HNRNPD: variants seen among roughly 807,000 people sequenced by gnomAD.
HNRNPD encodes the protein heterogeneous nuclear ribonucleoprotein D, also known as heterogeneous nuclear ribonucleoprotein D0.
Under a neutral mutation model 47.9 loss-of-function variants are expected in HNRNPD, and 3 were observed. That is an observed-to-expected ratio of 0.06 (90% confidence interval 0.03 to 0.16). HNRNPD has a LOEUF of 0.16. Ranked by LOEUF, HNRNPD falls within the 10% of genes least tolerant of loss-of-function variation. The probability of loss-of-function intolerance (pLI) is 1.00; values close to 1 mark genes in which losing one functional copy is unlikely to be tolerated. For synonymous variants in HNRNPD, 171 were observed against 165.1 expected, an observed-to-expected ratio of 1.04 and a Z score of -0.28; for missense variants, 287 against 454.2, an observed-to-expected ratio of 0.63 and a Z score of 3.35.
At chr4:82,357,889 G>C (rs1417523848) in intron 4 of HNRNPD, 2 of 152,754 alleles carry the variant, frequency 1.3e-5, no homozygotes, top group African/African-American at 4.8e-5. Flanking sequence ...GGAGGGCAGC[G>C]TCAGTTCCCA....
chr4:82,356,490 CA>C, intron 7 of HNRNPD, 46 bp downstream of exon 7: 1 of 1,482,472 alleles, frequency 6.7e-7, no homozygotes, highest in Admixed American at 1.7e-5. Context: ...CAAATTTGTA[CA>C]AAATAAATGT....
Position 82,358,986 on chromosome 4 carries a change from A to G in HNRNPD, c.460-166T>C, listed in dbSNP as rs924452851. The G allele has an allele frequency of 3.5e-5, 21 of 600,220 alleles. 1 individual carries two copies. Among genetic ancestry groups the G allele is most frequent in the African/African-American group, 3.2e-4 (17 of 53,534 alleles). The allele number at this position is 600,220 out of a possible 1,614,324, so 37.2% of individuals were successfully genotyped here. A position where few individuals can be genotyped will look rare whatever the true frequency, so the allele number is the denominator to read the frequency against. ...GTGGTGATGTAACATCAACTAACAT[A>G]TACTGTTTAAATCTAAAGGTAAGAA... On this transcript the variant is annotated intron_variant, in intron 3 of 8. Transcript: ENST00000313899.
At chr4:82,360,249 T>C (rs751632695) in intron 2 of HNRNPD, among the ~76,000 whole-genome samples, 1 of 152,084 alleles carries the variant, frequency 6.6e-6, no homozygotes, top group Non-Finnish European at 1.5e-5. Flanking sequence ...ACTAATTAAC[T>C]TAGATGATTC....
intron 2 of HNRNPD, among the ~76,000 whole-genome samples, chr4:82,362,751 A>AC (rs1279669455): frequency 1.3e-5 from 2 of 151,966 alleles, no homozygotes; most frequent in African/African-American, 4.8e-5. Flanking sequence ...AGGCTGCACC[A>AC]CCACGCCTGA....
At chr4:82,363,538 G>A (rs901914845) in intron 2 of HNRNPD, among the ~76,000 whole-genome samples, 7 of 152,122 alleles carry the variant, frequency 4.6e-5, no homozygotes, top group Non-Finnish European at 7.4e-5. Flanking sequence ...ATACCCTAAG[G>A]AGCCATGTTA....
chr4:82,368,786 T>C lies in HNRNPD; in HGVS notation c.290+2742A>G, dbSNP rs574093197. Among the ~76,000 whole-genome samples the C allele has an allele frequency of 7.2e-5, 11 of 152,342 alleles. No individual in the cohort carries two copies. The South Asian group carries it at 2.3e-3, about 32-fold the overall frequency. On this transcript the variant is annotated intron_variant, in intron 2 of 8. Transcript: ENST00000313899. ...TTTTACAAAGCAAACAATGTTCAGA[T>C]TGCCCCAGAAGCACTAAGGTATAAG...
intron 2 of HNRNPD, among the ~76,000 whole-genome samples, chr4:82,368,695 A>G (rs1191432147): frequency 6.6e-6 from 1 of 152,238 alleles, no homozygotes; most frequent in East Asian, 1.9e-4. Context: ...TACTACATAC[A>G]GTAAACCCAA....
Position 82,358,788 on chromosome 4 carries a change from C to T in HNRNPD, c.492G>A (p.Gly164=). 6.2e-7 allele frequency: 1 copy of T among 1,608,220 alleles called. No homozygotes were observed. Among genetic ancestry groups the T allele is most frequent in the Non-Finnish European group, 8.5e-7 (1 of 1,178,538 alleles). Residue 164 remains glycine, a synonymous_variant, in exon 4 of 9, where the codon GGG becomes GGA. Coordinates refer to ENST00000313899, the MANE Select transcript of HNRNPD (RefSeq NM_031370.3). ...VMDQKEHKLN[G]KVIDPKRAKA... ...TGGCCCTTTTAGGATCAATCACCTT[C>T]CCATTCAATTTATGTTCTTTTTGAT...
In HNRNPD at chr4:82,373,653, T is replaced by A. The variant is rs369520013; in HGVS notation, c.26A>T (p.Asp9Val). ...CGCCGTTGCCGCTGCCGCCGCCCCG[T>A]CCCCGCCGAACTGCTCCTCCGACAT... The part of the protein sequence containing the change: MSEEQFGG[D>V]GAAAAATAAV... The change falls in exon 1 of 9, where the codon GAC becomes GTC. Residue 9 changes from aspartate to valine, a missense_variant. Transcript: ENST00000313899. The A allele has an allele frequency of 6.6e-6, 10 of 1,522,086 alleles. No homozygotes were observed. In the South Asian group the frequency reaches 8.4e-5, roughly 13 times the overall value. The allele number at this position is 1,522,086 out of a possible 1,614,324, so 94.3% of individuals were successfully genotyped here.
At chr4:82,360,565 T>C (rs1416492018) in intron 2 of HNRNPD, among the ~76,000 whole-genome samples, 1 of 152,074 alleles carries the variant, frequency 6.6e-6, no homozygotes, top group African/African-American at 2.4e-5. Flanking sequence ...ATTTTAAGGG[T>C]AAACTGTCAG....
Position 82,371,829 on chromosome 4 carries a change from G to A in HNRNPD, c.234-245C>T, listed in dbSNP as rs373934303. Reference sequence around the variant, plus strand: ...AGCAAACGAAAACCAAAATGTTAAAGGTTTTAAGTTTCCAAATATCTAACA... The same window carrying A: ...AGCAAACGAAAACCAAAATGTTAAAAGTTTTAAGTTTCCAAATATCTAACA... On this transcript the variant is annotated intron_variant, in intron 1 of 8. Transcript: ENST00000313899. 6.8e-4 allele frequency among the ~76,000 whole-genome samples: 103 copies of A among 152,228 alleles called. 3 individuals carry two copies. In the South Asian group the frequency reaches 0.016, roughly 24 times the overall value.
At chr4:82,362,733 G>A (rs969752134) in intron 2 of HNRNPD, among the ~76,000 whole-genome samples, 3 of 152,042 alleles carry the variant, frequency 2.0e-5, no homozygotes, top group African/African-American at 7.2e-5. Flanking sequence ...CTCCGTGGGA[G>A]GGATTACAGG....
chr4:82,361,360 A>C (rs1719423455), intron 2 of HNRNPD, among the ~76,000 whole-genome samples: 1 of 152,224 alleles, frequency 6.6e-6, no homozygotes, highest in East Asian at 1.9e-4. Context: ...AAGAGAACTG[A>C]CTATAAAGCA....
intron 2 of HNRNPD, among the ~76,000 whole-genome samples, chr4:82,366,487 G>C (rs961129106): frequency 1.3e-5 from 2 of 151,982 alleles, no homozygotes; most frequent in African/African-American, 4.8e-5. Flanking sequence ...CAGGTGATTC[G>C]CTTGCGTCAG....
chr4:82,362,187 G>T (rs1455327792), intron 2 of HNRNPD, among the ~76,000 whole-genome samples: 1 of 152,104 alleles, frequency 6.6e-6, no homozygotes, highest in African/African-American at 2.4e-5. Flanking sequence ...TATCCACAGG[G>T]TCTTCTAAAA....
chr4:82,359,389 C>A (rs924512138), intron 3 of HNRNPD, 82 bp downstream of exon 3: 32 of 1,047,944 alleles, frequency 3.1e-5, no homozygotes, highest in Non-Finnish European at 1.3e-5. Context: ...TGGGGAACCA[C>A]AAATAGGCAA....
At chr4:82,358,226 A>G (rs1723809871) in intron 4 of HNRNPD, 1 of 154,850 alleles carries the variant, frequency 6.5e-6, no homozygotes, top group African/African-American at 2.4e-5. Flanking sequence ...GGATTACTAC[A>G]GGCATGAGCC....
chr4:82,358,499 A>G (rs1272055653), intron 4 of HNRNPD, 160 bp downstream of exon 4: 7 of 635,860 alleles, frequency 1.1e-5, no homozygotes, highest in Non-Finnish European at 5.4e-6. Flanking sequence ...TCCAACCTTC[A>G]AAGACCTGCT....
At position 82,352,882 on chromosome 4, in the gene HNRNPD, AAAGT is replaced by A. The variant is rs987793171; in HGVS notation, c.*1299_*1302del. 50 of 152,314 alleles carry A rather than the reference AAAGT, an allele frequency of 3.3e-4. No homozygotes were observed. Among genetic ancestry groups the A allele is most frequent in the African/African-American group, 1.0e-3 (42 of 41,572 alleles). The allele number at this position is 152,314 out of a possible 1,614,324, so 9.4% of individuals were successfully genotyped here. A position where few individuals can be genotyped will look rare whatever the true frequency, so the allele number is the denominator to read the frequency against. On this transcript the variant is annotated 3_prime_UTR_variant, in exon 9 of 9. Coordinates refer to ENST00000313899, the MANE Select transcript of HNRNPD (RefSeq NM_031370.3). ...TCTTAGCATCAGATGTAACTCCACA[AAAGT>A]AAGAAAGGTATTCCATCACTTCACT...
Sources: gnomAD v4.1 joint callset for allele counts (sites outside exome capture counted in the v4.1 genomes callset) on GRCh38, gnomAD v4.1.1 for gene constraint, MANE v1.5 for transcripts, NCBI Gene and HGNC (gene_info 2026-07-23, HGNC 2026-07-21) for gene names.